The following EPHA6 variants were observed in gnomAD, a reference collection of about 807,000 sequenced individuals.
EPHA6 encodes the protein ephrin type-A receptor 6.
Under a neutral mutation model 112.0 loss-of-function variants are expected in EPHA6, and 50 were observed. The ratio of observed to expected loss-of-function variants is 0.45; its 90% CI spans 0.36 to 0.56. The LOEUF is 0.56. EPHA6 is among the 20% of genes least tolerant of loss of function. The probability of loss-of-function intolerance (pLI) is 0.00; values close to 1 mark genes in which losing one functional copy is unlikely to be tolerated. For missense variants in EPHA6, 1,280 were observed against 1,417.4 expected (o/e 0.90, Z 1.56); for synonymous variants, 529 against 490.7 (o/e 1.08, Z -1.03).
Position 97,760,008 on chromosome 3 carries a change from C to T in EPHA6, c.*11307C>T, listed in dbSNP as rs1305872638. The T allele has an allele frequency of 5.4e-6, 1 of 186,214 alleles. No homozygotes were observed. The highest frequency in any genetic ancestry group is 1.1e-5 in the Non-Finnish European group (1 of 88,240). The allele number at this position is 186,214 out of a possible 1,614,324, so 11.5% of individuals were successfully genotyped here. A position where few individuals can be genotyped will look rare whatever the true frequency, so the allele number is the denominator to read the frequency against. ...TTTTCATCTATTACAGATTAAAAGG[C>T]AGAAACATTTTGTAGCTAATCTGTT... On this transcript the variant is annotated 3_prime_UTR_variant, in exon 18 of 18. Coordinates refer to ENST00000389672, the MANE Select transcript of EPHA6 (RefSeq NM_001080448.3).
chr3:97,267,733 G>A (rs558328507), intron 5 of EPHA6, among the ~76,000 whole-genome samples: 1 of 152,142 alleles, frequency 6.6e-6, no homozygotes, highest in Non-Finnish European at 1.5e-5. Context: ...ATAGGGTTAA[G>A]TTGGGGAAAT....
chr3:96,955,132 A>T (rs2041707568), intron 2 of EPHA6, among the ~76,000 whole-genome samples: 1 of 152,132 alleles, frequency 6.6e-6, no homozygotes, highest in Admixed American at 6.5e-5. Context: ...GAGCTAGAAC[A>T]GTGCTCAGTG....
At chr3:97,639,690 T>C (rs185004569) in intron 14 of EPHA6, among the ~76,000 whole-genome samples, 1 of 152,324 alleles carries the variant, frequency 6.6e-6, no homozygotes, top group Admixed American at 6.5e-5. Context: ...AACTGAAATT[T>C]TTATGCATAC....
At chr3:97,018,708 A>G (rs1365849536) in intron 3 of EPHA6, among the ~76,000 whole-genome samples, 1 of 152,242 alleles carries the variant, frequency 6.6e-6, no homozygotes, top group Non-Finnish European at 1.5e-5. Flanking sequence ...ACAGCATCAC[A>G]GGGAGACGGT....
At chr3:96,973,596 C>T (rs928619841) in intron 2 of EPHA6, among the ~76,000 whole-genome samples, 5 of 151,272 alleles carry the variant, frequency 3.3e-5, no homozygotes, top group Admixed American at 6.6e-5. Context: ...CTGAGGGGGG[C>T]GGATTGCCTG....
intron 5 of EPHA6, among the ~76,000 whole-genome samples, chr3:97,287,164 T>C (rs372451083): frequency 2.6e-5 from 4 of 152,326 alleles, no homozygotes; most frequent in African/African-American, 9.6e-5. Flanking sequence ...GGTATTTTTA[T>C]ATGTAAAATT....
chr3:97,206,968 A>G (rs1355231091), intron 3 of EPHA6, among the ~76,000 whole-genome samples: 1 of 152,120 alleles, frequency 6.6e-6, no homozygotes, highest in Non-Finnish European at 1.5e-5. Context: ...TCAAATTAAA[A>G]TATGTAGTCA....
chr3:96,985,045 G>T (rs977123179), intron 2 of EPHA6, among the ~76,000 whole-genome samples: 26 of 152,152 alleles, frequency 1.7e-4, no homozygotes, highest in African/African-American at 6.0e-4. Context: ...TCAGTGGGCT[G>T]CACCCACTGT....
chr3:97,300,581 G>A (rs1020327641), intron 5 of EPHA6, among the ~76,000 whole-genome samples: 1 of 152,068 alleles, frequency 6.6e-6, no homozygotes, highest in Non-Finnish European at 1.5e-5. Context: ...TCAAATAAAT[G>A]GGAGGCATAT....
At chr3:97,047,499 CAAA>C (rs556388538) in intron 3 of EPHA6, among the ~76,000 whole-genome samples, 2 of 46,452 alleles carry the variant, frequency 4.3e-5, no homozygotes, top group South Asian at 7.7e-4. Context: ...GACTCTGTCT[CAAA>C]AAAAAAAAAA....
At chr3:96,984,866 C>T (rs1388105711) in intron 2 of EPHA6, among the ~76,000 whole-genome samples, 3 of 152,228 alleles carry the variant, frequency 2.0e-5, no homozygotes, top group African/African-American at 7.2e-5. Flanking sequence ...GGGATATAAT[C>T]TCCTGGTGTG....
intron 7 of EPHA6, among the ~76,000 whole-genome samples, chr3:97,470,002 G>A (rs1237877706): frequency 2.6e-5 from 4 of 151,558 alleles, no homozygotes; most frequent in Non-Finnish European, 5.9e-5. Flanking sequence ...TTAAACCCAC[G>A]TGGCCCAAAT....
chr3:97,427,649 C>T (rs1462645147), intron 6 of EPHA6, among the ~76,000 whole-genome samples: 1 of 151,530 alleles, frequency 6.6e-6, no homozygotes, highest in Non-Finnish European at 1.5e-5. Flanking sequence ...CACAGGTTTA[C>T]CTGTGTAACA....
intron 6 of EPHA6, among the ~76,000 whole-genome samples, chr3:97,406,149 T>C (rs922441777): frequency 3.9e-5 from 6 of 152,116 alleles, no homozygotes; most frequent in African/African-American, 1.4e-4. Context: ...GCAAAGGAAA[T>C]CATAAAGGAA....
chr3:97,752,049 C>T lies in EPHA6; in HGVS notation c.*3348C>T, dbSNP rs1408547779. The T allele has an allele frequency of 4.5e-6, 1 of 223,716 alleles. No homozygotes were observed. The highest frequency in any genetic ancestry group is 6.5e-5 in the East Asian group (1 of 15,292). 13.9% of individuals were successfully genotyped at this position (223,716 alleles called of 1,614,324 possible). On this transcript the variant is annotated 3_prime_UTR_variant, in exon 18 of 18. Coordinates refer to ENST00000389672, the MANE Select transcript of EPHA6 (RefSeq NM_001080448.3). ...AAAATTTTGGTGGTTTAACACGAAT[C>T]AAGAATTATAGCACTTTTGCAATGA... is the stretch of plus-strand genomic sequence containing the variant.
intron 12 of EPHA6, among the ~76,000 whole-genome samples, chr3:97,603,919 T>C (rs2093661081): frequency 1.3e-5 from 2 of 151,854 alleles, no homozygotes; most frequent in Non-Finnish European, 2.9e-5. Context: ...ATGAACCTTA[T>C]TAGCTCTGCA....
intron 11 of EPHA6, among the ~76,000 whole-genome samples, chr3:97,568,591 C>CT (rs2107208591): frequency 6.6e-6 from 1 of 152,316 alleles, no homozygotes; most frequent in African/African-American, 2.4e-5. Context: ...TACAATGCCC[C>CT]TTTTTTCTTT....
Position 97,026,249 on chromosome 3 carries a change from A to G in EPHA6, c.1114+38256A>G, listed in dbSNP as rs543445378. ...TTTTTGCTTCGGATTGCCATGGCCA[A>G]TCGGGCTCTTTTTGGTTCCAGATGA... On this transcript the variant is annotated intron_variant, in intron 3 of 17. Transcript: ENST00000389672. Among the ~76,000 whole-genome samples, 10 of 151,514 alleles carry G rather than the reference A, an allele frequency of 6.6e-5. No homozygotes were observed. In the South Asian group the frequency reaches 1.9e-3, roughly 28 times the overall value.
intron 13 of EPHA6, among the ~76,000 whole-genome samples, chr3:97,617,648 C>T (rs955440020): frequency 1.1e-4 from 17 of 152,102 alleles, no homozygotes; most frequent in Admixed American, 3.3e-4. Flanking sequence ...TTTGACAAAA[C>T]AGACTTTAAA....
Sources: gnomAD v4.1 joint callset for allele counts (sites outside exome capture counted in the v4.1 genomes callset) on GRCh38, gnomAD v4.1.1 for gene constraint, MANE v1.5 for transcripts, NCBI Gene and HGNC (gene_info 2026-07-23, HGNC 2026-07-21) for gene names.